Variants in GNA14 observed in about 807,000 individuals in gnomAD.
GNA14 encodes G protein subunit alpha 14.
GNA14 carries 50 observed loss-of-function variants against 42.0 expected under a neutral mutation model. The observed-to-expected ratio is 1.19, with a 90% CI of 0.95 to 1.51. The LOEUF is 1.51. GNA14 is among the 40% of genes most tolerant of loss of function. The pLI, the probability that GNA14 is intolerant of heterozygous loss-of-function variation, is 0.00. For synonymous variants in GNA14, 173 were observed against 163.1 expected, an observed-to-expected ratio of 1.06 and a Z score of -0.46; for missense variants, 473 against 446.2, an observed-to-expected ratio of 1.06 and a Z score of -0.54.
At chr9:77,551,460 C>A (rs1349569068) in intron 1 of GNA14, among the ~76,000 whole-genome samples, 1 of 152,038 alleles carries the variant, frequency 6.6e-6, no homozygotes, top group African/African-American at 2.4e-5. Context: ...CAAAACTAGT[C>A]AAGGGACTAG....
At chr9:77,569,874 C>T (rs58261907) in intron 1 of GNA14, among the ~76,000 whole-genome samples, 13,583 of 151,838 alleles carry the variant, frequency 0.089, 1,671 homozygotes, top group African/African-American at 0.28. Flanking sequence ...TCAAGCAATT[C>T]TCCTGCCTCA....
intron 1 of GNA14, among the ~76,000 whole-genome samples, chr9:77,602,626 C>G (rs536871155): frequency 3.3e-5 from 5 of 152,254 alleles, no homozygotes; most frequent in African/African-American, 1.2e-4. Flanking sequence ...CTTTTCCACA[C>G]TTCACTTACA....
At chr9:77,626,474 C>T (rs1033572480) in intron 1 of GNA14, among the ~76,000 whole-genome samples, 13 of 152,122 alleles carry the variant, frequency 8.5e-5, no homozygotes, top group South Asian at 8.3e-4. Context: ...TAAAATTGAC[C>T]GCATCATTGG....
chr9:77,472,558 A>G (rs1459096973), intron 2 of GNA14, among the ~76,000 whole-genome samples: 2 of 152,226 alleles, frequency 1.3e-5, no homozygotes, highest in Non-Finnish European at 2.9e-5. Context: ...ATTAGAGCTA[A>G]TAAATAAGCT....
At chr9:77,639,838 TG>T (rs2118028878) in intron 1 of GNA14, among the ~76,000 whole-genome samples, 1 of 152,382 alleles carries the variant, frequency 6.6e-6, no homozygotes, top group South Asian at 2.1e-4. Context: ...TTGGCCAGCA[TG>T]GCTAATTTAC....
chr9:77,482,509 T>C (rs1251218998), intron 2 of GNA14, among the ~76,000 whole-genome samples: 3 of 152,202 alleles, frequency 2.0e-5, no homozygotes, highest in Admixed American at 1.3e-4. Flanking sequence ...CTTTCAACTT[T>C]GGTGAATCTG....
At chr9:77,618,585 T>TATATATATAC (rs1823859766) in intron 1 of GNA14, among the ~76,000 whole-genome samples, 2 of 10,938 alleles carry the variant, frequency 1.8e-4, no homozygotes, top group African/African-American at 6.5e-4. Context: ...CATTTGAATA[T>TATATATATAC]ATATATATAT....
intron 2 of GNA14, among the ~76,000 whole-genome samples, chr9:77,485,950 A>G (rs565263472): frequency 1.1e-4 from 17 of 152,282 alleles, no homozygotes; most frequent in African/African-American, 3.8e-4. Context: ...AGGGTTTTAG[A>G]ATGGTAAATT....
intron 2 of GNA14, among the ~76,000 whole-genome samples, chr9:77,504,567 A>ACT (rs1407046372): frequency 1.3e-5 from 2 of 149,270 alleles, no homozygotes; most frequent in East Asian, 3.9e-4. Flanking sequence ...AGAGAGAGAG[A>ACT]GAGAAACAAG....
chr9:77,635,172 C>T (rs1412824558), intron 1 of GNA14: 1 of 152,234 alleles, frequency 6.6e-6, no homozygotes, highest in Non-Finnish European at 1.5e-5. Flanking sequence ...TCACCCCCTC[C>T]CCCACCATTT....
At chr9:77,446,716 A>G (rs151082559) in intron 2 of GNA14, among the ~76,000 whole-genome samples, 2 of 152,338 alleles carry the variant, frequency 1.3e-5, no homozygotes, top group African/African-American at 4.8e-5. Flanking sequence ...ACCCCCACCA[A>G]CTTATACTGG....
chr9:77,464,830 T>C (rs1330415297), intron 2 of GNA14, among the ~76,000 whole-genome samples: 2 of 152,198 alleles, frequency 1.3e-5, no homozygotes, highest in South Asian at 2.1e-4. Context: ...ATGAGGTCAC[T>C]TGGGTAGGCC....
intron 1 of GNA14, among the ~76,000 whole-genome samples, chr9:77,644,871 G>A (rs1824330000): frequency 6.6e-6 from 1 of 152,098 alleles, no homozygotes; most frequent in African/African-American, 2.4e-5. Flanking sequence ...TTCTCCCTAT[G>A]CTGATCAGTA....
intron 2 of GNA14, among the ~76,000 whole-genome samples, chr9:77,466,616 TTTTGTTTG>T (rs3052366): frequency 2.6e-5 from 4 of 151,818 alleles, no homozygotes; most frequent in African/African-American, 9.7e-5. Context: ...CAAGCCTGTT[TTTTGTTTG>T]TTTGTTTGTT....
At chr9:77,571,605 A>G (rs1823060326) in intron 1 of GNA14, among the ~76,000 whole-genome samples, 1 of 152,154 alleles carries the variant, frequency 6.6e-6, no homozygotes, top group Non-Finnish European at 1.5e-5. Flanking sequence ...GTTCAAGACC[A>G]GCCTGACCAA....
chr9:77,440,854 T>A (rs1324680337), intron 2 of GNA14, among the ~76,000 whole-genome samples: 2 of 152,104 alleles, frequency 1.3e-5, no homozygotes, highest in African/African-American at 4.8e-5. Flanking sequence ...TAGCTGGGAT[T>A]ACAGGTGCCC....
chr9:77,435,050 TAAAAAAA>T (rs3052358), intron 2 of GNA14, among the ~76,000 whole-genome samples: 3 of 119,280 alleles, frequency 2.5e-5, no homozygotes, highest in Admixed American at 8.8e-5. Flanking sequence ...TTCTTTCATT[TAAAAAAA>T]AAAAAAAAAA....
chr9:77,603,703 C>G (rs1190891111), intron 1 of GNA14, among the ~76,000 whole-genome samples: 2 of 151,988 alleles, frequency 1.3e-5, no homozygotes, highest in Admixed American at 1.3e-4. Context: ...CAGTGGCTCA[C>G]GCCTGTAATC....
chr9:77,474,126 G>A (rs769229030), intron 2 of GNA14, among the ~76,000 whole-genome samples: 8 of 151,710 alleles, frequency 5.3e-5, no homozygotes, highest in Admixed American at 1.3e-4. Context: ...ACACCAAAAG[G>A]GAAGCAACAA....
Sources: gnomAD v4.1 joint callset for allele counts (sites outside exome capture counted in the v4.1 genomes callset) on GRCh38, gnomAD v4.1.1 for gene constraint, MANE v1.5 for transcripts, NCBI Gene and HGNC (gene_info 2026-07-23, HGNC 2026-07-21) for gene names.